UGT2B7: variants seen among roughly 807,000 people sequenced by gnomAD.
UGT2B7 encodes the protein UDP glucuronosyltransferase family 2 member B7.
In UGT2B7, 51 loss-of-function variants were observed where a neutral mutation model predicts 51.9. That is an observed-to-expected ratio of 0.98 (90% CI 0.78 to 1.24). The LOEUF (loss-of-function observed/expected upper bound fraction) is 1.24, where lower values mean the gene tolerates loss of function less well. UGT2B7 is among the 50% of genes most tolerant of loss of function. The probability of loss-of-function intolerance (pLI) is 0.00; values close to 1 mark genes in which losing one functional copy is unlikely to be tolerated. For synonymous variants in UGT2B7, 225 were observed against 211.6 expected (o/e 1.06, Z -0.55); for missense variants, 727 against 628.4 (o/e 1.16, Z -1.68).
At chr4:69,092,335 C>A (rs1271524524), upstream of UGT2B7, among the ~76,000 whole-genome samples, 1 of 152,112 alleles carries the variant, frequency 6.6e-6, no homozygotes. Flanking sequence ...AATTTTTAAA[C>A]CACTATGTGA....
intron 1 of UGT2B7, among the ~76,000 whole-genome samples, chr4:69,062,954 CTTTG>C (rs1718381185): frequency 6.6e-6 from 1 of 152,142 alleles, no homozygotes; most frequent in Non-Finnish European, 1.5e-5. Flanking sequence ...CTACTGTTTG[CTTTG>C]TTTGTGCTGA....
intron 5 of UGT2B7, among the ~76,000 whole-genome samples, chr4:69,111,719 A>C: frequency 6.6e-6 from 1 of 152,324 alleles, no homozygotes; most frequent in Middle Eastern, 3.4e-3. Flanking sequence ...TTAAACAATT[A>C]AAAACAAATT....
intron 1 of UGT2B7, among the ~76,000 whole-genome samples, chr4:69,080,642 GT>G (rs1422471482): frequency 6.6e-6 from 1 of 152,010 alleles, no homozygotes; most frequent in Non-Finnish European, 1.5e-5. Context: ...ATTGATCAGG[GT>G]TTTAAATAGT....
intron 2 of UGT2B7, among the ~76,000 whole-genome samples, chr4:69,101,292 A>G (rs1199430883): frequency 6.6e-6 from 1 of 152,076 alleles, no homozygotes; most frequent in Non-Finnish European, 1.5e-5. Context: ...GAAAAAATAT[A>G]TTTTACATAA....
chr4:69,062,790 C>T (rs578207284), intron 1 of UGT2B7, among the ~76,000 whole-genome samples: 33 of 152,292 alleles, frequency 2.2e-4, no homozygotes, highest in African/African-American at 6.0e-4. Flanking sequence ...AGTCTATGCA[C>T]GGCCGAAGCT....
At chr4:69,061,518 A>C (rs959491136) in intron 1 of UGT2B7, among the ~76,000 whole-genome samples, 3 of 152,088 alleles carry the variant, frequency 2.0e-5, no homozygotes, top group Admixed American at 1.3e-4. Context: ...CCCAAGCTAC[A>C]CTCCAAATAA....
intron 1 of UGT2B7, among the ~76,000 whole-genome samples, chr4:69,087,732 A>C (rs917782552): frequency 6.7e-6 from 1 of 149,480 alleles, no homozygotes; most frequent in Non-Finnish European, 1.5e-5. Context: ...GATTTTTTTC[A>C]GCACTTTAAA....
chr4:69,069,266 G>C (rs867057769), intron 1 of UGT2B7, among the ~76,000 whole-genome samples: 1 of 151,986 alleles, frequency 6.6e-6, no homozygotes, highest in South Asian at 2.1e-4. Context: ...GACCTTGTCA[G>C]ATTTGTCTGC....
At chr4:69,089,917 T>TA (rs1393111113) in intron 2 of UGT2B7, among the ~76,000 whole-genome samples, 2 of 152,012 alleles carry the variant, frequency 1.3e-5, no homozygotes, top group African/African-American at 2.4e-5. Context: ...AAACAACAAA[T>TA]AAAAAAACCC....
chr4:69,072,186 T>G (rs1321510920), intron 1 of UGT2B7, among the ~76,000 whole-genome samples: 3 of 152,218 alleles, frequency 2.0e-5, no homozygotes, highest in Middle Eastern at 3.4e-3. Flanking sequence ...ATTCCAAAAA[T>G]TTCAATATTG....
intron 1 of UGT2B7, among the ~76,000 whole-genome samples, chr4:69,078,200 C>T (rs1005182612): frequency 1.3e-5 from 2 of 151,956 alleles, no homozygotes; most frequent in Non-Finnish European, 2.9e-5. Context: ...TTTGTTTTGC[C>T]AGCATTTTAT....
At chr4:69,098,472 C>T in intron 1 of UGT2B7, 68 bp from the exon 2 acceptor site, 1 of 1,560,412 alleles carries the variant, frequency 6.4e-7, no homozygotes, top group Non-Finnish European at 8.6e-7. Context: ...TTATTCTAAC[C>T]CCTTTCAGAA....
chr4:69,112,355 T>C (rs1184070865), intron 5 of UGT2B7, 102 bp from the exon 6 acceptor site: 16 of 1,456,402 alleles, frequency 1.1e-5, no homozygotes, highest in Non-Finnish European at 1.3e-5. Flanking sequence ...GTCTTGCCGA[T>C]GCTCCCAGCC....
Position 69,107,204 on chromosome 4 carries a change from A to G in UGT2B7, c.1032A>G (p.Pro344=), listed in dbSNP as rs773030005. ...TGTGGAGATTTGATGGGAATAAACC[A>G]GATACCTTAGGTCTCAATACTCGGC... ...KVLWRFDGNK[P]DTLGLNTRLY... Residue 344 remains proline (P), a synonymous_variant, in exon 4 of 6, where the codon CCA becomes CCG. Coordinates refer to ENST00000305231, the MANE Select transcript of UGT2B7 (RefSeq NM_001074.4). The G allele has an allele frequency of 4.1e-5, 66 of 1,609,508 alleles. 1 individual carries two copies. The South Asian group carries it at 7.2e-4, about 17-fold the overall frequency.
chr4:69,062,655 G>A (rs1297812564), intron 1 of UGT2B7, among the ~76,000 whole-genome samples: 4 of 152,140 alleles, frequency 2.6e-5, no homozygotes, highest in Non-Finnish European at 5.9e-5. Context: ...ATCCTGCAAT[G>A]AGACCACATT....
chr4:69,092,323 G>A (rs1027354342), upstream of UGT2B7, among the ~76,000 whole-genome samples: 1 of 152,128 alleles, frequency 6.6e-6, no homozygotes, highest in South Asian at 2.1e-4. Context: ...TGAATTGGGT[G>A]GAATTTTTAA....
intron 4 of UGT2B7, 95 bp from the exon 5 acceptor site, chr4:69,108,008 G>A (rs10022440): frequency 0.068 from 99,370 of 1,471,668 alleles, 3,767 homozygotes; most frequent in Middle Eastern, 0.082. Context: ...TTAGTTCAGT[G>A]TTTTAGCTGG....
chr4:69,087,083 T>C (rs570328344), intron 1 of UGT2B7, among the ~76,000 whole-genome samples: 1 of 150,328 alleles, frequency 6.7e-6, no homozygotes, highest in Non-Finnish European at 1.5e-5. Flanking sequence ...TCTCTGTCTC[T>C]CTCTCTCTGT....
At chr4:69,071,088 C>T (rs1718590237) in intron 1 of UGT2B7, among the ~76,000 whole-genome samples, 2 of 152,060 alleles carry the variant, frequency 1.3e-5, no homozygotes, top group Admixed American at 1.3e-4. Flanking sequence ...TAGTAATGAC[C>T]ATTTGTAATT....
Sources: gnomAD v4.1 joint callset for allele counts (sites outside exome capture counted in the v4.1 genomes callset) on GRCh38, gnomAD v4.1.1 for gene constraint, MANE v1.5 for transcripts, NCBI Gene and HGNC (gene_info 2026-07-23, HGNC 2026-07-21) for gene names.